The following GPHN variants were observed in gnomAD, a reference collection of about 807,000 sequenced individuals.
GPHN encodes the protein gephyrin.
In GPHN, 17 loss-of-function variants were observed where a neutral mutation model predicts 95.5. The observed-to-expected ratio is 0.18, with a 90% CI of 0.12 to 0.27. The LOEUF (loss-of-function observed/expected upper bound fraction) is 0.27. GPHN is among the 10% of genes least tolerant of loss of function. GPHN has a pLI of 1.00. For missense variants in GPHN, 660 were observed against 978.1 expected (o/e 0.67, Z 4.34); for synonymous variants, 320 against 322.5 (o/e 0.99, Z 0.08).
At chr14:66,745,905 C>G (rs567508049) in intron 2 of GPHN, among the ~76,000 whole-genome samples, 181 of 152,038 alleles carry the variant, frequency 1.2e-3, no homozygotes, top group African/African-American at 4.0e-3. Context: ...TTTTACATCA[C>G]TATAGTTTGT....
At chr14:66,874,429 C>T (rs934951304) in intron 4 of GPHN, among the ~76,000 whole-genome samples, 1 of 152,084 alleles carries the variant, frequency 6.6e-6, no homozygotes, top group African/African-American at 2.4e-5. Context: ...CAGAAGTAGG[C>T]TTCAGAAGGT....
intron 8 of GPHN, among the ~76,000 whole-genome samples, chr14:66,932,841 T>C (rs891099993): frequency 6.6e-6 from 1 of 152,098 alleles, no homozygotes; most frequent in Non-Finnish European, 1.5e-5. Context: ...TTAAGATTAG[T>C]ACATCAAAAA....
chr14:67,271,531 G>A, the GPHN span: 1 of 152,166 alleles, frequency 6.6e-6, no homozygotes, highest in East Asian at 1.9e-4. Flanking sequence ...AATGTGACAG[G>A]GATTATAGGA....
At chr14:66,695,944 T>A (rs966170647) in intron 2 of GPHN, among the ~76,000 whole-genome samples, 2 of 152,184 alleles carry the variant, frequency 1.3e-5, no homozygotes, top group East Asian at 3.9e-4. Context: ...CATGTTATGA[T>A]GCATTGTCTA....
chr14:67,303,301 A>G, the GPHN span, among the ~76,000 whole-genome samples: 1 of 152,224 alleles, frequency 6.6e-6, no homozygotes, highest in Non-Finnish European at 1.5e-5. Flanking sequence ...TTACAGTGGA[A>G]TCTGTACTAT....
At position 66,838,128 on chromosome 14, in the gene GPHN, T is replaced by C. The variant is rs1048343509; in HGVS notation, c.294+13562T>C. On this transcript the variant is annotated intron_variant, in intron 4 of 22. Coordinates refer to ENST00000478722, the MANE Select transcript of GPHN (RefSeq NM_020806.5). ...TGGGTTTGAATCTTAGATCCACCTG[T>C]TATTAGTGTGCAACCCCATGCAATT... Among the ~76,000 whole-genome samples the C allele has an allele frequency of 6.6e-5, 10 of 152,154 alleles. No homozygotes were observed. In the South Asian group the frequency reaches 2.1e-3, roughly 31 times the overall value.
intron 4 of GPHN, among the ~76,000 whole-genome samples, chr14:66,840,327 T>C (rs1365600548): frequency 6.6e-6 from 1 of 151,982 alleles, no homozygotes; most frequent in Non-Finnish European, 1.5e-5. Context: ...AATCCTAGTA[T>C]AAGTATACAT....
chr14:67,087,401 C>A (rs2076951027), intron 11 of GPHN, among the ~76,000 whole-genome samples: 1 of 152,108 alleles, frequency 6.6e-6, no homozygotes, highest in Admixed American at 6.5e-5. Context: ...CTGCTAGGGA[C>A]TATATAGCTT....
intron 12 of GPHN, among the ~76,000 whole-genome samples, chr14:67,095,744 A>G (rs2077343206): frequency 6.6e-6 from 1 of 151,946 alleles, no homozygotes; most frequent in Admixed American, 6.6e-5. Context: ...ACCCATGGAC[A>G]CAGGAAGGGG....
the GPHN span, among the ~76,000 whole-genome samples, chr14:67,732,047 A>G: frequency 0.01 from 1,518 of 151,404 alleles, 32 homozygotes; most frequent in African/African-American, 0.036. Flanking sequence ...GAATCACTTG[A>G]ACCTGGGAGG....
chr14:66,892,780 T>C (rs766892600), intron 5 of GPHN, among the ~76,000 whole-genome samples: 1 of 152,134 alleles, frequency 6.6e-6, no homozygotes, highest in Admixed American at 6.6e-5. Flanking sequence ...GAGTTTTTGT[T>C]TGGGATGATG....
At chr14:67,289,247 C>T in the GPHN span, among the ~76,000 whole-genome samples, 1 of 152,134 alleles carries the variant, frequency 6.6e-6, no homozygotes, top group African/African-American at 2.4e-5. Flanking sequence ...GGATTACAGG[C>T]ATGAGCCACC....
chr14:67,232,488 T>G, the GPHN span, among the ~76,000 whole-genome samples: 23,531 of 152,172 alleles, frequency 0.15, 3,445 homozygotes, highest in East Asian at 0.42. Context: ...CCAGTTAAGC[T>G]GCTTCTGGCT....
At chr14:66,923,200 G>A (rs1022178389) in intron 7 of GPHN, among the ~76,000 whole-genome samples, 3 of 152,112 alleles carry the variant, frequency 2.0e-5, no homozygotes, top group African/African-American at 4.8e-5. Context: ...GATAAACAAC[G>A]TGACATTTTA....
chr14:67,634,420 C>CT, the GPHN span, among the ~76,000 whole-genome samples: 3 of 144,546 alleles, frequency 2.1e-5, no homozygotes, highest in African/African-American at 7.8e-5. Context: ...TGGCAAAACT[C>CT]TATCTCTACC....
intron 9 of GPHN, among the ~76,000 whole-genome samples, chr14:67,017,888 A>G (rs2073399171): frequency 1.3e-5 from 2 of 152,256 alleles, no homozygotes; most frequent in South Asian, 2.1e-4. Context: ...AGGAATGGCT[A>G]TGATCATACT....
At chr14:66,949,783 G>A (rs2067980685) in intron 8 of GPHN, among the ~76,000 whole-genome samples, 1 of 152,046 alleles carries the variant, frequency 6.6e-6, no homozygotes, top group Admixed American at 6.6e-5. Context: ...ATTATTAGAA[G>A]AGAAAATGTG....
At chr14:67,193,385 A>C in the GPHN span, among the ~76,000 whole-genome samples, 87 of 140,348 alleles carry the variant, frequency 6.2e-4, no homozygotes, top group Non-Finnish European at 1.0e-3. Flanking sequence ...ATCTAGATAT[A>C]TCTAGATATA....
intron 1 of GPHN, among the ~76,000 whole-genome samples, chr14:66,509,782 C>T (rs539136120): frequency 4.0e-5 from 6 of 151,882 alleles, no homozygotes; most frequent in Non-Finnish European, 8.8e-5. Flanking sequence ...CTGTCAAATT[C>T]TGACAGGTCG....
Sources: allele counts gnomAD v4.1 joint callset (sites outside exome capture counted in the v4.1 genomes callset), GRCh38; gene constraint gnomAD v4.1.1; transcripts MANE v1.5; gene names NCBI Gene and HGNC (gene_info 2026-07-23, HGNC 2026-07-21).